The following WDR3 variants were observed in gnomAD, a reference collection of about 807,000 sequenced individuals.
The protein encoded by WDR3 is WD repeat domain 3.
A neutral mutation model predicts 123.7 loss-of-function variants in WDR3; 81 were observed. The observed-to-expected ratio is 0.65, with a 90% CI of 0.55 to 0.79. The LOEUF (loss-of-function observed/expected upper bound fraction) is 0.79, where lower values mean the gene tolerates loss of function less well. Among genes scored for constraint, WDR3 ranks in the 30% least tolerant of loss-of-function variants. The probability of loss-of-function intolerance (pLI) is 0.00; values close to 1 mark genes in which losing one functional copy is unlikely to be tolerated. For synonymous variants in WDR3, 390 were observed against 388.8 expected (o/e 1.00, Z -0.04); for missense variants, 1,027 against 1,123.2 (o/e 0.91, Z 1.22).
chr1:117,941,723 A>G (rs1315125358), intron 8 of WDR3, 27 bp from the exon 9 acceptor site: 1 of 1,597,594 alleles, frequency 6.3e-7, no homozygotes, highest in Non-Finnish European at 8.5e-7. Flanking sequence ...CCTCTCCTTG[A>G]CTCACATTAA....
chr1:117,933,361 G>A lies in WDR3; in HGVS notation c.42G>A (p.Ala14=), dbSNP rs757961322. 2 of 1,614,124 alleles carry A rather than the reference G, an allele frequency of 1.2e-6. No homozygotes were observed. The highest frequency in any genetic ancestry group is 1.1e-5 in the South Asian group (1 of 91,070). Reference sequence around the variant, plus strand: ...AGTACCTACGCTATGTTGCTAGTGCGGTCTTTGGCGTTATCGGCAGCCAAA... The same window carrying A: ...AGTACCTACGCTATGTTGCTAGTGCAGTCTTTGGCGTTATCGGCAGCCAAA... ...TKQYLRYVAS[A]VFGVIGSQKG... is the part of the protein sequence containing the mutation. The change falls in exon 2 of 27, where the codon GCG becomes GCA. Residue 14 remains alanine, a synonymous_variant. Coordinates refer to ENST00000349139, the MANE Select transcript of WDR3 (RefSeq NM_006784.3).
rs1651583097 is a variant in WDR3, at chr1:117,950,846, CT to C, written c.1760del (p.Leu587ArgfsTer20). The C allele has an allele frequency of 6.2e-7, 1 of 1,608,452 alleles. No homozygotes were observed. The highest frequency in any genetic ancestry group is 8.5e-7 in the Non-Finnish European group (1 of 1,178,336). ...TTTTGATGTTTAGTTTTTTCTGTCACTGTATGGACACAAACTGCCTGTTATA... is the reference window on the plus strand; with the variant it reads ...TTTTGATGTTTAGTTTTTTCTGTCACGTATGGACACAAACTGCCTGTTATA... ...YVDTLKFFLS[L>X]YGHKLPVICM... On this transcript the variant is annotated frameshift_variant, in exon 16 of 27. Coordinates refer to ENST00000349139, the MANE Select transcript of WDR3 (RefSeq NM_006784.3). LOFTEE classifies it high-confidence loss of function.
intron 3 of WDR3, among the ~76,000 whole-genome samples, chr1:117,936,511 A>C (rs1223010076): frequency 6.6e-6 from 1 of 152,158 alleles, no homozygotes; most frequent in African/African-American, 2.4e-5. Context: ...AAATGATATG[A>C]ATGGCATGAT....
chr1:117,954,509 C>T, intron 22 of WDR3, 71 bp from the exon 23 acceptor site: 2 of 1,413,028 alleles, frequency 1.4e-6, no homozygotes, highest in Non-Finnish European at 2.0e-6. Context: ...ATACAGTTAC[C>T]ACTCTGTCTA....
chr1:117,946,684 G>C (rs1651394910), intron 12 of WDR3, among the ~76,000 whole-genome samples: 3 of 152,066 alleles, frequency 2.0e-5, no homozygotes, highest in Admixed American at 2.0e-4. Flanking sequence ...GCTCACACCT[G>C]TAATCCCAGC....
At chr1:117,933,227 T>A (rs1650797128) in intron 1 of WDR3, 61 bp from the exon 2 acceptor site, 1 of 1,440,298 alleles carries the variant, frequency 6.9e-7, no homozygotes, top group African/African-American at 1.4e-5. Context: ...CAGTTGGTGT[T>A]TACTAACCTA....
rs772738618 is a variant in WDR3 at position 117,936,818 on chromosome 1, G to A, written c.431G>A (p.Arg144His). Residue 144 changes from arginine (R) to histidine (H), a missense_variant, in exon 4 of 27, where the codon CGT becomes CAT. Arg to His is a conservative substitution (Grantham distance 29, BLOSUM62 0). Coordinates refer to ENST00000349139, the MANE Select transcript of WDR3 (RefSeq NM_006784.3). ...GTGATCAATGAAAGTGGTCTGTACC[G>A]TCTAAAGGGGCACAAGGATGCCATC... ...WDVINESGLY[R>H]LKGHKDAITQ... 6 of 1,613,126 alleles carry A rather than the reference G, an allele frequency of 3.7e-6. No individual in the cohort carries two copies. Among genetic ancestry groups the A allele is most frequent in the Non-Finnish European group, 4.2e-6 (5 of 1,179,442 alleles).
intron 3 of WDR3, 79 bp from the exon 4 acceptor site, chr1:117,936,690 T>C (rs1650954444): frequency 8.8e-7 from 1 of 1,141,192 alleles, no homozygotes; most frequent in African/African-American, 1.6e-5. Context: ...TTTTTAATAA[T>C]TAAGTCTCAT....
Position 117,952,505 on chromosome 1 carries a change from TTTA to T in WDR3, c.2017-20_2017-18del. 1 of 1,598,390 alleles carries T rather than the reference TTTA, an allele frequency of 6.3e-7. No homozygotes were observed. Among genetic ancestry groups the T allele is most frequent in the Non-Finnish European group, 8.5e-7 (1 of 1,175,154 alleles). On this transcript the variant is annotated intron_variant, in intron 18 of 26. Coordinates refer to ENST00000349139, the MANE Select transcript of WDR3 (RefSeq NM_006784.3). ...GTAGTGGTCAATGAATGAGGTATTC[TTTA>T]TTTTTTTTTTCTCCTCCAGGGTCAT...
At chr1:117,942,376 G>A in intron 9 of WDR3, 61 bp from the exon 10 acceptor site, 1 of 1,481,404 alleles carries the variant, frequency 6.8e-7, no homozygotes, top group South Asian at 1.2e-5. Context: ...TTGAACTCAA[G>A]TAAGAGCAAA....
At chr1:117,933,169 A>T in intron 1 of WDR3, 119 bp from the exon 2 acceptor site, 1 of 784,342 alleles carries the variant, frequency 1.3e-6, no homozygotes, top group Non-Finnish European at 2.0e-6. Flanking sequence ...CCACCACTGC[A>T]CTCCAGCCTG....
At chr1:117,942,603 C>A in intron 10 of WDR3, 59 bp downstream of exon 10, 1 of 1,441,210 alleles carries the variant, frequency 6.9e-7, no homozygotes, top group Non-Finnish European at 9.7e-7. Flanking sequence ...GTATTATTGG[C>A]TTTTTCATGC....
intron 19 of WDR3, 121 bp from the exon 20 acceptor site, chr1:117,952,825 G>C: frequency 7.0e-7 from 1 of 1,431,614 alleles, no homozygotes. Flanking sequence ...AAGCTAGGCA[G>C]AGATAAAGAT....
At chr1:117,938,579 C>A in intron 5 of WDR3, 21 bp downstream of exon 5, 1 of 1,603,332 alleles carries the variant, frequency 6.2e-7, no homozygotes, top group Non-Finnish European at 8.5e-7. Flanking sequence ...GGTCATGGGC[C>A]CAGGGAAATA....
At chr1:117,930,284 G>C (rs1384967195) in intron 1 of WDR3, among the ~76,000 whole-genome samples, 1 of 152,178 alleles carries the variant, frequency 6.6e-6, no homozygotes, top group African/African-American at 2.4e-5. Flanking sequence ...AAGTTGTATG[G>C]GAGGTAGTTT....
At position 117,940,816 on chromosome 1, in the gene WDR3, T is replaced by C. The variant is rs759458332; in HGVS notation, c.676-11T>C. On this transcript the variant is annotated splice_polypyrimidine_tract_variant and intron_variant, in intron 6 of 26. Transcript: ENST00000349139. ...TATTTCAGCTTTTATTTTCTCATTT[T>C]TATAAAACAGATTGAAGACCCGGAA... 4.4e-6 allele frequency: 7 copies of C among 1,595,818 alleles called. No homozygotes were observed. In the South Asian group the frequency reaches 5.7e-5, roughly 13 times the overall value.
rs1054193298 is a variant in WDR3, at chr1:117,949,622, A to G, written c.1525-129A>G. The stretch of plus-strand genomic sequence containing the variant: ...AGATCAGTGAAAGGGGCTAGGGAGA[A>G]CCACGTTTTTCTTAATTTTTATCCC... On this transcript the variant is annotated intron_variant, in intron 13 of 26. Coordinates refer to ENST00000349139, the MANE Select transcript of WDR3 (RefSeq NM_006784.3). 46 of 1,048,390 alleles carry G rather than the reference A, an allele frequency of 4.4e-5. No homozygotes were observed. In the East Asian group the frequency reaches 1.2e-3, roughly 27 times the overall value. The allele number at this position is 1,048,390 out of a possible 1,614,324, so 64.9% of individuals were successfully genotyped here.
Position 117,936,893 on chromosome 1 carries a change from G to T in WDR3, c.500+6G>T. 6.3e-7 allele frequency: 1 copy of T among 1,599,642 alleles called. No homozygotes were observed. Among genetic ancestry groups the T allele is most frequent in the East Asian group, 2.2e-5 (1 of 44,770 alleles). ...AAGAACCTGCTAGTTACTAGGTAAA[G>T]AAATAATGGTTTAATTTCCAGTTAT... On this transcript the variant is annotated splice_donor_region_variant and intron_variant, in intron 4 of 26. Transcript: ENST00000349139.
intron 13 of WDR3, among the ~76,000 whole-genome samples, chr1:117,949,406 C>A (rs534274691): frequency 6.6e-6 from 1 of 152,272 alleles, no homozygotes; most frequent in Non-Finnish European, 1.5e-5. Flanking sequence ...TTATATCCTT[C>A]TGAGGTGAAT....
Sources: allele counts gnomAD v4.1 joint callset (sites outside exome capture counted in the v4.1 genomes callset), GRCh38; gene constraint gnomAD v4.1.1; transcripts MANE v1.5; gene names NCBI Gene and HGNC (gene_info 2026-07-23, HGNC 2026-07-21).